The following CCDC91 variants were observed in gnomAD, a reference collection of about 807,000 sequenced individuals.
The protein encoded by CCDC91 is coiled-coil domain-containing protein 91.
In CCDC91, 48 loss-of-function variants were observed where a neutral mutation model predicts 63.2. The ratio of observed to expected loss-of-function variants is 0.76; its 90% CI spans 0.60 to 0.97. The LOEUF is 0.97. Ranked by LOEUF, CCDC91 falls within the 50% of genes least tolerant of loss-of-function variation. The probability of loss-of-function intolerance (pLI) is 0.00; values close to 1 mark genes in which losing one functional copy is unlikely to be tolerated. For synonymous variants in CCDC91, 167 were observed against 165.8 expected (o/e 1.01, Z -0.06); for missense variants, 500 against 494.6 (o/e 1.01, Z -0.10).
At chr12:28,202,299 A>G (rs1476691301) in intron 1 of CCDC91, among the ~76,000 whole-genome samples, 1 of 152,104 alleles carries the variant, frequency 6.6e-6, no homozygotes, top group African/African-American at 2.4e-5. Flanking sequence ...TTTTCTCTCC[A>G]TGTATAGATC....
chr12:28,282,505 G>T (rs1021691656), intron 3 of CCDC91, among the ~76,000 whole-genome samples: 2 of 152,012 alleles, frequency 1.3e-5, no homozygotes, highest in African/African-American at 4.8e-5. Flanking sequence ...TTATGCACTT[G>T]TTGGTTGATA....
At chr12:28,257,164 G>A (rs376740214) in intron 1 of CCDC91, 38 bp from the exon 2 acceptor site, 109 of 1,229,936 alleles carry the variant, frequency 8.9e-5, no homozygotes, top group Non-Finnish European at 1.0e-4. Context: ...AAATGACTGT[G>A]TGTGTGCGGG....
At chr12:28,314,806 G>A (rs1330613087) in intron 6 of CCDC91, among the ~76,000 whole-genome samples, 1 of 151,934 alleles carries the variant, frequency 6.6e-6, no homozygotes, top group Non-Finnish European at 1.5e-5. Context: ...TAGATTTGAT[G>A]TTGGGAAATG....
At chr12:28,281,344 T>C (rs1426569630) in intron 3 of CCDC91, among the ~76,000 whole-genome samples, 2 of 152,084 alleles carry the variant, frequency 1.3e-5, no homozygotes, top group Non-Finnish European at 2.9e-5. Flanking sequence ...GGCTGTTCCA[T>C]CAGGAAGGGC....
At chr12:28,448,553 G>A (rs1329653258) in intron 8 of CCDC91, among the ~76,000 whole-genome samples, 1 of 152,084 alleles carries the variant, frequency 6.6e-6, no homozygotes, top group Admixed American at 6.5e-5. Flanking sequence ...TTTAGCTAAT[G>A]TACCCTCTTC....
At chr12:28,232,181 A>G (rs1196136536) in intron 1 of CCDC91, among the ~76,000 whole-genome samples, 1 of 152,022 alleles carries the variant, frequency 6.6e-6, no homozygotes, top group African/African-American at 2.4e-5. Flanking sequence ...AAAATGTAGG[A>G]GATTCTTTTT....
rs113185795 is a variant in CCDC91 at position 28,194,700 on chromosome 12, C to A, written c.-15+4059C>A. On this transcript the variant is annotated intron_variant, in intron 1 of 12. Coordinates refer to ENST00000536442, the MANE Select transcript of CCDC91 (RefSeq NM_018318.5). ...TCAGGAGTGAAGCTGCAGACCTTTGCGGTGAGTGTTACAGCTCATAGAGGT... is the reference window on the plus strand; with the variant it reads ...TCAGGAGTGAAGCTGCAGACCTTTGAGGTGAGTGTTACAGCTCATAGAGGT... Among the ~76,000 whole-genome samples, 5 of 151,730 alleles carry A rather than the reference C, an allele frequency of 3.3e-5. No homozygotes were observed. The East Asian group carries it at 7.8e-4, about 24-fold the overall frequency.
chr12:28,372,176 T>C (rs1944661577), intron 7 of CCDC91, among the ~76,000 whole-genome samples: 1 of 152,234 alleles, frequency 6.6e-6, no homozygotes. Flanking sequence ...CTGGGTTCTC[T>C]ATTCTGTTAC....
chr12:28,318,824 A>G (rs1351948157), intron 6 of CCDC91, among the ~76,000 whole-genome samples: 2 of 152,026 alleles, frequency 1.3e-5, no homozygotes, highest in East Asian at 3.9e-4. Context: ...CAAAATCTAC[A>G]AACTAATTGA....
intron 3 of CCDC91, among the ~76,000 whole-genome samples, chr12:28,275,314 A>G (rs1285118788): frequency 2.6e-5 from 4 of 152,160 alleles, no homozygotes; most frequent in East Asian, 1.9e-4. Flanking sequence ...CAGAAATACA[A>G]ACTACCATCA....
At chr12:28,278,448 G>A (rs1368385145) in intron 3 of CCDC91, among the ~76,000 whole-genome samples, 1 of 151,986 alleles carries the variant, frequency 6.6e-6, no homozygotes, top group African/African-American at 2.4e-5. Context: ...TGATCAATAT[G>A]TAACTTAAAG....
chr12:28,468,353 A>C (rs1950643282), intron 11 of CCDC91, among the ~76,000 whole-genome samples: 1 of 151,822 alleles, frequency 6.6e-6, no homozygotes, highest in South Asian at 2.1e-4. Flanking sequence ...AGAAATTGAC[A>C]AATTTGTAGT....
rs780580498 is a variant in CCDC91, at chr12:28,307,636, T to G, written c.472-9T>G. 1 of 1,401,426 alleles carries G rather than the reference T, an allele frequency of 7.1e-7. No individual in the cohort carries two copies. The highest frequency in any genetic ancestry group is 9.8e-7 in the Non-Finnish European group (1 of 1,020,478). 86.8% of individuals were successfully genotyped at this position (1,401,426 alleles called of 1,614,324 possible). ...TATTACAAAGCTTGTATTTGTATTT[T>G]TATTTTAGGATGTGGAATCATTGAT... On this transcript the variant is annotated splice_polypyrimidine_tract_variant and intron_variant, in intron 5 of 12. Coordinates refer to ENST00000536442, the MANE Select transcript of CCDC91 (RefSeq NM_018318.5).
intron 7 of CCDC91, among the ~76,000 whole-genome samples, chr12:28,374,594 T>C (rs966074057): frequency 9.2e-5 from 14 of 152,174 alleles, no homozygotes; most frequent in African/African-American, 3.4e-4. Flanking sequence ...CTTATGTACC[T>C]AACACCATTT....
intron 6 of CCDC91, among the ~76,000 whole-genome samples, chr12:28,327,735 C>T (rs113470551): frequency 5.3e-5 from 8 of 152,226 alleles, no homozygotes; most frequent in African/African-American, 9.6e-5. Context: ...CGGACAACGA[C>T]GCCACTTCAG....
intron 12 of CCDC91, among the ~76,000 whole-genome samples, chr12:28,522,009 A>G (rs950433268): frequency 6.6e-5 from 10 of 152,162 alleles, no homozygotes; most frequent in African/African-American, 2.2e-4. Flanking sequence ...ATCAATGTTC[A>G]TCAGGGATAT....
At chr12:28,204,617 G>C (rs1942707913) in intron 1 of CCDC91, among the ~76,000 whole-genome samples, 1 of 152,100 alleles carries the variant, frequency 6.6e-6, no homozygotes, top group Non-Finnish European at 1.5e-5. Context: ...GTATTTCTAA[G>C]ATGTATTTTT....
At chr12:28,458,438 T>C (rs988163867) in intron 11 of CCDC91, among the ~76,000 whole-genome samples, 1 of 148,566 alleles carries the variant, frequency 6.7e-6, no homozygotes, top group African/African-American at 2.5e-5. Context: ...TTTTCCCTTT[T>C]GTCCTCATTT....
At chr12:28,252,862 C>G (rs891882757) in intron 1 of CCDC91, among the ~76,000 whole-genome samples, 1 of 152,078 alleles carries the variant, frequency 6.6e-6, no homozygotes, top group African/African-American at 2.4e-5. Context: ...TTATATAATG[C>G]TTAGAATGTA....
Sources: gnomAD v4.1 joint callset for allele counts (sites outside exome capture counted in the v4.1 genomes callset) on GRCh38, gnomAD v4.1.1 for gene constraint, MANE v1.5 for transcripts, NCBI Gene and HGNC (gene_info 2026-07-23, HGNC 2026-07-21) for gene names.